CELF6: variants seen among roughly 807,000 people sequenced by gnomAD.
The protein encoded by CELF6 is Bruno -like 6, RNA binding protein.
CELF6 carries 32 observed loss-of-function variants against 53.1 expected under a neutral mutation model. The observed-to-expected ratio is 0.60, with a 90% confidence interval of 0.46 to 0.81. The LOEUF (loss-of-function observed/expected upper bound fraction) is 0.81, where lower values mean the gene tolerates loss of function less well. Ranked by LOEUF, CELF6 falls within the 30% of genes least tolerant of loss-of-function variation. The pLI, the probability that CELF6 is intolerant of heterozygous loss-of-function variation, is 0.00. For missense variants in CELF6, 539 were observed against 669.5 expected (o/e 0.81, Z 2.15); for synonymous variants, 291 against 288.8 (o/e 1.01, Z -0.08).
chr15:72,298,900 T>C (rs953233799), intron 3 of CELF6, among the ~76,000 whole-genome samples: 1 of 152,132 alleles, frequency 6.6e-6, no homozygotes, highest in African/African-American at 2.4e-5. Context: ...AATTTGTGGT[T>C]AACATTTTAA....
intron 1 of CELF6, among the ~76,000 whole-genome samples, chr15:72,317,116 G>A (rs2088373173): frequency 6.6e-6 from 1 of 152,230 alleles, no homozygotes; most frequent in Admixed American, 6.5e-5. Context: ...AGAGTGGCTA[G>A]TGAGATATGC....
At chr15:72,299,362 CTTTTTT>C (rs780048239) in intron 3 of CELF6, among the ~76,000 whole-genome samples, 31 of 138,926 alleles carry the variant, frequency 2.2e-4, no homozygotes, top group African/African-American at 7.9e-4. Flanking sequence ...TTTGTTTTTT[CTTTTTT>C]TTTTTTTTTG....
At position 72,319,043 on chromosome 15, in the gene CELF6, A is replaced by C. The variant is rs1402231681; in HGVS notation, c.262+570T>G. On this transcript the variant is annotated intron_variant, in intron 1 of 12. Coordinates refer to ENST00000287202, the MANE Select transcript of CELF6 (RefSeq NM_052840.5). The surrounding 1 kb of genome is among the most constrained non-coding windows in gnomAD (Gnocchi z 5.0). Reference sequence around the variant, plus strand: ...TGGGAATTGAATTGGATTTTGTGTTAGACAGGTCTGGGTTCTGAAGAAGGG... The same window carrying C: ...TGGGAATTGAATTGGATTTTGTGTTCGACAGGTCTGGGTTCTGAAGAAGGG... 6.6e-6 allele frequency among the ~76,000 whole-genome samples: 1 copy of C among 152,048 alleles called. No individual in the cohort carries two copies. The highest frequency in any genetic ancestry group is 2.4e-5 in the African/African-American group (1 of 41,372).
chr15:72,319,924 C>G lies in CELF6; in HGVS notation c.-50G>C. On this transcript the variant is annotated 5_prime_UTR_variant, in exon 1 of 13. Coordinates refer to ENST00000287202, the MANE Select transcript of CELF6 (RefSeq NM_052840.5). This position sits in a 1 kb window ranked among gnomAD's most constrained non-coding sequence, Gnocchi z 5.0. ...CCGGTCCCACTGGTCCCGCCTGTCC[C>G]GCCGTCCCCTCCCTGGACCGGTGGC... is the stretch of plus-strand genomic sequence containing the variant. The G allele has an allele frequency of 7.1e-7, 1 of 1,411,848 alleles. No individual in the cohort carries two copies. Among genetic ancestry groups the G allele is most frequent in the South Asian group, 1.6e-5 (1 of 63,888 alleles). 87.5% of individuals were successfully genotyped at this position (1,411,848 alleles called of 1,614,324 possible). A position where few individuals can be genotyped will look rare whatever the true frequency, so the allele number is the denominator to read the frequency against.
chr15:72,294,844 G>C (rs1485159459), intron 3 of CELF6, among the ~76,000 whole-genome samples: 1 of 151,880 alleles, frequency 6.6e-6, no homozygotes, highest in African/African-American at 2.4e-5. Context: ...CAGGCATGGT[G>C]GCATGTGTCT....
intron 2 of CELF6, among the ~76,000 whole-genome samples, chr15:72,310,729 A>G (rs866604185): frequency 4.0e-5 from 6 of 151,812 alleles, no homozygotes; most frequent in Middle Eastern, 6.8e-3. Context: ...GGGCTCAGCG[A>G]TCCTCCAGTC....
intron 3 of CELF6, among the ~76,000 whole-genome samples, chr15:72,293,266 G>A (rs1339968312): frequency 6.6e-6 from 1 of 152,124 alleles, no homozygotes. Flanking sequence ...ACCCAGAAAT[G>A]GTGGGATAAG....
intron 2 of CELF6, among the ~76,000 whole-genome samples, chr15:72,307,509 A>G (rs1305525916): frequency 6.6e-6 from 1 of 152,182 alleles, no homozygotes; most frequent in East Asian, 1.9e-4. Context: ...GACACTTTAC[A>G]TACATTGTCT....
At chr15:72,296,056 A>G (rs1376985708) in intron 3 of CELF6, among the ~76,000 whole-genome samples, 1 of 152,244 alleles carries the variant, frequency 6.6e-6, no homozygotes, top group East Asian at 1.9e-4. Context: ...AATAGAACAG[A>G]AATCCCAGAA....
At chr15:72,312,979 T>G (rs971437570) in intron 2 of CELF6, among the ~76,000 whole-genome samples, 1 of 152,216 alleles carries the variant, frequency 6.6e-6, no homozygotes, top group Non-Finnish European at 1.5e-5. Context: ...AATTAAATAT[T>G]AATTTTCACT....
intron 1 of CELF6, 104 bp from the exon 2 acceptor site, chr15:72,316,031 C>T: frequency 1.4e-6 from 1 of 722,016 alleles, no homozygotes; most frequent in Non-Finnish European, 2.3e-6. Flanking sequence ...CTCCTTTAAG[C>T]AAGGACTCTG....
intron 3 of CELF6, among the ~76,000 whole-genome samples, chr15:72,301,910 T>C (rs1435293507): frequency 6.6e-6 from 1 of 152,138 alleles, no homozygotes; most frequent in African/African-American, 2.4e-5. Context: ...CTAATTATTG[T>C]ATTTTTAGTA....
chr15:72,289,245 C>A lies in CELF6; in HGVS notation c.923G>T (p.Gly308Val). The change falls in exon 8 of 13, where the codon GGT becomes GTT. Residue 308 changes from glycine to valine, a missense_variant. Around this residue, in one of 3 missense-constraint regions of CELF6, gnomAD observed 358 missense variants for 412.8 expected, o/e 0.87. Coordinates refer to ENST00000287202, the MANE Select transcript of CELF6 (RefSeq NM_052840.5). The surrounding 1 kb of genome is among the most constrained non-coding windows in gnomAD (Gnocchi z 7.6). ...ATTGACCCCGATGGGCGCCGGAAGA[C>A]CTGGGAGGGTGCCAGGGCCGCTGCC... Reference protein sequence around the residue: ...PPGSGPGTLPGLPAPIGVNGF... With the variant: ...PPGSGPGTLPVLPAPIGVNGF... The A allele has an allele frequency of 6.3e-7, 1 of 1,584,646 alleles. No homozygotes were observed. The highest frequency in any genetic ancestry group is 1.9e-5 in the Admixed American group (1 of 53,654).
At chr15:72,286,535 C>T (rs1270708136) in intron 12 of CELF6, among the ~76,000 whole-genome samples, 193 bp from the exon 13 acceptor site, 1 of 152,210 alleles carries the variant, frequency 6.6e-6, no homozygotes, top group African/African-American at 2.4e-5. Flanking sequence ...GACTTGAGTC[C>T]TGAGCAAAAG....
At position 72,289,508 on chromosome 15, in the gene CELF6, C is replaced by T; in HGVS notation, c.748-1G>A. On this transcript the variant is annotated splice_acceptor_variant, in intron 6 of 12. Coordinates refer to ENST00000287202, the MANE Select transcript of CELF6 (RefSeq NM_052840.5). LOFTEE classifies it high-confidence loss of function. This position sits in a 1 kb window ranked among gnomAD's most constrained non-coding sequence, Gnocchi z 7.6. ...GCAGGGCCGCCTGGTGCTGCAGGAT[C>T]TTTGAGAGGAAAGATGGGCGAGAGT... The T allele has an allele frequency of 6.6e-7, 1 of 1,513,414 alleles. No homozygotes were observed. The highest frequency in any genetic ancestry group is 8.8e-7 in the Non-Finnish European group (1 of 1,135,706). 93.7% of individuals were successfully genotyped at this position (1,513,414 alleles called of 1,614,324 possible).
Position 72,289,983 on chromosome 15 carries a change from C to A in CELF6, c.559G>T (p.Ala187Ser). The change falls in exon 5 of 13, where the codon GCT (alanine) becomes TCT (serine). Residue 187 changes from alanine (A) to serine (S), a missense_variant. Coordinates refer to ENST00000287202, the MANE Select transcript of CELF6 (RefSeq NM_052840.5). The surrounding 1 kb of genome is among the most constrained non-coding windows in gnomAD (Gnocchi z 7.6). ...AFVKFGSQGE[A>S]QAAIRGLHGS... ...TGCAGACCCCGGATGGCCGCCTGAG[C>A]TTCCCCTTGACTCCCGAACTTCACA... 1 of 1,594,390 alleles carries A rather than the reference C, an allele frequency of 6.3e-7. No homozygotes were observed. Among genetic ancestry groups the A allele is most frequent in the Non-Finnish European group, 8.5e-7 (1 of 1,170,884 alleles).
intron 3 of CELF6, among the ~76,000 whole-genome samples, chr15:72,301,601 T>C (rs905205358): frequency 3.3e-5 from 5 of 152,322 alleles, no homozygotes; most frequent in African/African-American, 1.2e-4. Context: ...GTCAGGTGTG[T>C]GTGACCATTG....
At chr15:72,303,486 C>T (rs545547540) in intron 3 of CELF6, among the ~76,000 whole-genome samples, 10 of 152,156 alleles carry the variant, frequency 6.6e-5, no homozygotes, top group African/African-American at 2.4e-4. Context: ...CACAAAGTCA[C>T]CAGAACTCTG....
In CELF6 at chr15:72,304,806, C is replaced by T. The variant is rs768679100; in HGVS notation, c.346-12G>A. The T allele has an allele frequency of 1.2e-5, 20 of 1,613,848 alleles. No individual in the cohort carries two copies. Among genetic ancestry groups the T allele is most frequent in the East Asian group, 2.2e-5 (1 of 44,898 alleles). ...ATCGGACGATTCATCTGAAAGACAT[C>T]GGACCAACACACCCATTCAGCGTGA... On this transcript the variant is annotated splice_polypyrimidine_tract_variant and intron_variant, in intron 2 of 12. Coordinates refer to ENST00000287202, the MANE Select transcript of CELF6 (RefSeq NM_052840.5).
Sources: allele counts gnomAD v4.1 joint callset (sites outside exome capture counted in the v4.1 genomes callset), GRCh38; gene constraint gnomAD v4.1.1; regional missense constraint gnomAD v4.1.1; non-coding constraint Gnocchi (gnomAD v3.1); transcripts MANE v1.5; gene names NCBI Gene and HGNC (gene_info 2026-07-23, HGNC 2026-07-21).